The following LMBRD1 variants were observed in gnomAD, a reference collection of about 807,000 sequenced individuals.
LMBRD1 encodes the protein LMBR1 domain containing 1.
LMBRD1 carries 64 observed loss-of-function variants against 74.8 expected under a neutral mutation model. The observed-to-expected ratio is 0.86, with a 90% CI of 0.70 to 1.05. The LOEUF is 1.05. LMBRD1 is among the 50% of genes least tolerant of loss of function. The pLI, the probability that LMBRD1 is intolerant of heterozygous loss-of-function variation, is 0.00. For synonymous variants in LMBRD1, 204 were observed against 216.3 expected, an observed-to-expected ratio of 0.94 and a Z score of 0.50; for missense variants, 652 against 645.9, an observed-to-expected ratio of 1.01 and a Z score of -0.10.
At position 69,699,049 on chromosome 6, in the gene LMBRD1, T is replaced by C. The variant is rs1275041569; in HGVS notation, c.1332A>G (p.Leu444=). ...TTTCAAATATTTCACTTACCTCTAT[T>C]AAGTAATTTTGGCTTCCATACATAA... ...QYVMYGSQNY[L]IETNITSDNH... Residue 444 remains leucine (L), a synonymous_variant, in exon 13 of 16, where the codon TTA becomes TTG. Coordinates refer to ENST00000649934, the MANE Select transcript of LMBRD1 (RefSeq NM_018368.4). 10 of 1,584,188 alleles carry C rather than the reference T, an allele frequency of 6.3e-6. No homozygotes were observed. Among genetic ancestry groups the C allele is most frequent in the African/African-American group, 5.4e-5 (4 of 74,206 alleles).
chr6:69,764,655 G>T (rs1383498093), intron 3 of LMBRD1, among the ~76,000 whole-genome samples: 1 of 151,868 alleles, frequency 6.6e-6, no homozygotes. Flanking sequence ...TCAAATTTTT[G>T]CTTATTTTTT....
intron 3 of LMBRD1, among the ~76,000 whole-genome samples, chr6:69,760,180 G>A (rs1765346709): frequency 6.6e-6 from 1 of 152,104 alleles, no homozygotes; most frequent in Admixed American, 6.6e-5. Context: ...GAAAACATGT[G>A]CAAGAATGTT....
rs528157590 is a variant in LMBRD1 at position 69,700,157 on chromosome 6, T to C, written c.1188+608A>G. On this transcript the variant is annotated intron_variant, in intron 12 of 15. Coordinates refer to ENST00000649934, the MANE Select transcript of LMBRD1 (RefSeq NM_018368.4). ...AGCAATACTAGATTCTTTTTTTCCA[T>C]AGCAAGAAATCTTTTATTAGTTCAA... is the stretch of plus-strand genomic sequence containing the variant. 3.3e-5 allele frequency among the ~76,000 whole-genome samples: 5 copies of C among 151,974 alleles called. 1 individual carries two copies. In the East Asian group the frequency reaches 7.7e-4, roughly 23 times the overall value.
chr6:69,795,902 C>A (rs1400897632), intron 1 of LMBRD1, among the ~76,000 whole-genome samples: 3 of 152,144 alleles, frequency 2.0e-5, no homozygotes, highest in African/African-American at 7.2e-5. Flanking sequence ...ATTTCCAGAA[C>A]TGGAGGTTTT....
At chr6:69,769,367 A>T (rs1364543097) in intron 3 of LMBRD1, among the ~76,000 whole-genome samples, 3 of 152,142 alleles carry the variant, frequency 2.0e-5, no homozygotes, top group Non-Finnish European at 1.5e-5. Flanking sequence ...AATCATTTCT[A>T]TCTCCTTTTT....
intron 14 of LMBRD1, among the ~76,000 whole-genome samples, chr6:69,691,227 G>A (rs1239964956): frequency 7.6e-6 from 1 of 132,034 alleles, no homozygotes; most frequent in Non-Finnish European, 1.6e-5. Context: ...ACACAAAAAT[G>A]TTAAATGTTG....
intron 3 of LMBRD1, among the ~76,000 whole-genome samples, chr6:69,762,455 A>AC (rs1258260087): frequency 6.8e-6 from 1 of 147,540 alleles, no homozygotes; most frequent in Admixed American, 6.9e-5. Flanking sequence ...CTACCAAAAA[A>AC]CAAAAAAAAA....
Position 69,718,924 on chromosome 6 carries a change from T to C in LMBRD1, c.762+32A>G. 4.3e-6 allele frequency: 7 copies of C among 1,611,090 alleles called. No homozygotes were observed. In the African/African-American group the frequency reaches 5.3e-5, roughly 12 times the overall value. ...GCAGCTCTAAGACAAAGTAGTTTTA[T>C]GCTTCCCAATTACACCAAAACATCA... On this transcript the variant is annotated intron_variant, in intron 8 of 15. Coordinates refer to ENST00000649934, the MANE Select transcript of LMBRD1 (RefSeq NM_018368.4).
intron 4 of LMBRD1, among the ~76,000 whole-genome samples, chr6:69,751,682 T>C (rs1246170386): frequency 6.6e-6 from 1 of 152,218 alleles, no homozygotes; most frequent in Non-Finnish European, 1.5e-5. Flanking sequence ...AAGTGCTCCT[T>C]CTTTATGCTT....
At position 69,796,977 on chromosome 6, in the gene LMBRD1, T is replaced by C. The variant is rs896637138; in HGVS notation, c.-96A>G. 9 of 1,024,552 alleles carry C rather than the reference T, an allele frequency of 8.8e-6. No individual in the cohort carries two copies. Among genetic ancestry groups the C allele is most frequent in the Non-Finnish European group, 1.2e-5 (8 of 672,898 alleles). The allele number at this position is 1,024,552 out of a possible 1,614,324, so 63.5% of individuals were successfully genotyped here. A position where few individuals can be genotyped will look rare whatever the true frequency, so the allele number is the denominator to read the frequency against. On this transcript the variant is annotated 5_prime_UTR_variant, in exon 1 of 16. Coordinates refer to ENST00000649934, the MANE Select transcript of LMBRD1 (RefSeq NM_018368.4). The stretch of plus-strand genomic sequence containing the variant: ...CGAGATATACTGCACCCGCGCACCC[T>C]AAAGGTTAAAGGGGCGGAGGGGGAG...
chr6:69,796,727 G>C (rs934753105), intron 1 of LMBRD1, 86 bp downstream of exon 1: 56 of 1,248,644 alleles, frequency 4.5e-5, no homozygotes, highest in Middle Eastern at 1.9e-4. Context: ...GAGGGTCTCC[G>C]GGGCCCGGAG....
intron 7 of LMBRD1, among the ~76,000 whole-genome samples, chr6:69,736,745 C>T (rs982704933): frequency 3.9e-5 from 6 of 152,126 alleles, no homozygotes; most frequent in African/African-American, 1.4e-4. Flanking sequence ...AGACACTGAT[C>T]CAGAAAGGTT....
chr6:69,745,305 GCGGAC>G (rs1216617474), intron 5 of LMBRD1, among the ~76,000 whole-genome samples: 85 of 136,648 alleles, frequency 6.2e-4, no homozygotes, highest in South Asian at 1.6e-3. Flanking sequence ...AGGTCGGACT[GCGGAC>G]TGCAGTGGCG....
At chr6:69,699,820 A>G (rs1315815296) in intron 12 of LMBRD1, among the ~76,000 whole-genome samples, 1 of 151,854 alleles carries the variant, frequency 6.6e-6, no homozygotes, top group Non-Finnish European at 1.5e-5. Context: ...CAATTGTACT[A>G]TTGTAGTACA....
chr6:69,720,704 A>G (rs1282367015), intron 7 of LMBRD1, among the ~76,000 whole-genome samples: 1 of 152,222 alleles, frequency 6.6e-6, no homozygotes, highest in South Asian at 2.1e-4. Context: ...TACACCATTC[A>G]TCTTCCTCAC....
chr6:69,693,455 A>C (rs955256776), intron 14 of LMBRD1, among the ~76,000 whole-genome samples: 3 of 152,052 alleles, frequency 2.0e-5, no homozygotes, highest in Admixed American at 6.5e-5. Flanking sequence ...TAAGACAGCA[A>C]CATATGGATT....
At chr6:69,701,670 C>A in intron 10 of LMBRD1, 125 bp from the exon 11 acceptor site, 4 of 696,102 alleles carry the variant, frequency 5.7e-6, no homozygotes, top group Non-Finnish European at 1.0e-5. Context: ...ACAAATTAAA[C>A]CTCACTTAAA....
intron 3 of LMBRD1, among the ~76,000 whole-genome samples, chr6:69,777,971 T>A (rs927353210): frequency 6.6e-6 from 1 of 152,216 alleles, no homozygotes; most frequent in East Asian, 1.9e-4. Context: ...AGCTTCAGGA[T>A]AGTAACTACC....
intron 1 of LMBRD1, among the ~76,000 whole-genome samples, chr6:69,791,058 G>T (rs558008098): frequency 6.6e-5 from 10 of 152,320 alleles, no homozygotes; most frequent in Admixed American, 2.6e-4. Context: ...GAGCTTTCCA[G>T]TGAAAAAAGT....
Sources: gnomAD v4.1 joint callset for allele counts (sites outside exome capture counted in the v4.1 genomes callset) on GRCh38, gnomAD v4.1.1 for gene constraint, MANE v1.5 for transcripts, NCBI Gene and HGNC (gene_info 2026-07-23, HGNC 2026-07-21) for gene names.